ROBO1: variants seen among roughly 807,000 people sequenced by gnomAD.
The protein encoded by ROBO1 is roundabout guidance receptor 1.
ROBO1 carries 149 observed loss-of-function variants against 195.9 expected under a neutral mutation model. The observed-to-expected ratio is 0.76, with a 90% CI of 0.67 to 0.87. The LOEUF (loss-of-function observed/expected upper bound fraction) is 0.87. ROBO1 is among the 40% of genes least tolerant of loss of function. ROBO1 has a pLI of 0.00. For missense variants in ROBO1, 1,933 were observed against 2,068.3 expected, an observed-to-expected ratio of 0.93 and a Z score of 1.27; for synonymous variants, 816 against 733.2, an observed-to-expected ratio of 1.11 and a Z score of -1.82.
At chr3:79,087,106 T>C (rs1049421498) in intron 3 of ROBO1, among the ~76,000 whole-genome samples, 3 of 152,062 alleles carry the variant, frequency 2.0e-5, no homozygotes, top group Admixed American at 1.3e-4. Flanking sequence ...GTGTAGTTAG[T>C]AATTTTGAGT....
At chr3:79,490,513 A>G (rs1223437405) in intron 2 of ROBO1, among the ~76,000 whole-genome samples, 1 of 152,250 alleles carries the variant, frequency 6.6e-6, no homozygotes, top group African/African-American at 2.4e-5. Context: ...CAGGCGCAGA[A>G]GAAGCCGAGA....
intron 4 of ROBO1, among the ~76,000 whole-genome samples, chr3:78,816,982 A>C (rs960528788): frequency 9.9e-5 from 2 of 20,188 alleles, no homozygotes; most frequent in Non-Finnish European, 3.8e-3. Context: ...CTTAAAGTAT[A>C]ATAAAAAAAA....
intron 4 of ROBO1, among the ~76,000 whole-genome samples, chr3:78,800,579 C>T (rs552752299): frequency 2.0e-5 from 3 of 152,110 alleles, no homozygotes; most frequent in Admixed American, 2.0e-4. Context: ...TTTTAGAAGA[C>T]AGAGTCTCAC....
At chr3:79,678,645 C>A (rs1013776622) in intron 1 of ROBO1, among the ~76,000 whole-genome samples, 20 of 151,938 alleles carry the variant, frequency 1.3e-4, no homozygotes, top group African/African-American at 4.3e-4. Flanking sequence ...CTTACATTTT[C>A]AATATCTTAG....
At position 79,146,778 on chromosome 3, in the gene ROBO1, G is replaced by T. The variant is rs192920898; in HGVS notation, c.89-21239C>A. Reference sequence around the variant, plus strand: ...CAAAATAGAAAATGCTCAGTATCCAGTATCTAGAAAAATTAACATAGATCT... The same window carrying T: ...CAAAATAGAAAATGCTCAGTATCCATTATCTAGAAAAATTAACATAGATCT... On this transcript the variant is annotated intron_variant, in intron 2 of 30. Transcript: ENST00000464233. 3.4e-3 allele frequency among the ~76,000 whole-genome samples: 510 copies of T among 151,974 alleles called. 4 individuals are homozygous for T. Among genetic ancestry groups the T allele is most frequent in the Middle Eastern group, 0.01 (3 of 294 alleles).
intron 2 of ROBO1, among the ~76,000 whole-genome samples, chr3:79,465,753 G>GT (rs1458731994): frequency 6.6e-6 from 1 of 151,860 alleles, no homozygotes; most frequent in East Asian, 1.9e-4. Context: ...ACAAGAAAAT[G>GT]TTTTTTCATG....
intron 3 of ROBO1, among the ~76,000 whole-genome samples, chr3:79,016,687 T>C (rs999946178): frequency 2.6e-5 from 4 of 152,146 alleles, no homozygotes; most frequent in Non-Finnish European, 4.4e-5. Context: ...TTCCAACATA[T>C]ACAAACTCAA....
At chr3:79,557,448 A>G (rs963358515) in intron 2 of ROBO1, among the ~76,000 whole-genome samples, 2 of 152,060 alleles carry the variant, frequency 1.3e-5, no homozygotes, top group Non-Finnish European at 2.9e-5. Context: ...AAAAAGGATA[A>G]TTTAGGCCAG....
At chr3:79,708,148 C>T (rs72899823) in intron 1 of ROBO1, among the ~76,000 whole-genome samples, 2,058 of 152,198 alleles carry the variant, frequency 0.014, 38 homozygotes, top group African/African-American at 0.047. Flanking sequence ...CTGAGGTTCA[C>T]TCTGTTTCTT....
At chr3:79,601,106 T>C (rs904157903) in intron 1 of ROBO1, among the ~76,000 whole-genome samples, 3 of 151,854 alleles carry the variant, frequency 2.0e-5, no homozygotes, top group African/African-American at 4.8e-5. Context: ...AACTGGAAAA[T>C]GTTCATCCCA....
At chr3:78,944,746 G>C (rs2040326747) in intron 3 of ROBO1, among the ~76,000 whole-genome samples, 1 of 152,212 alleles carries the variant, frequency 6.6e-6, no homozygotes, top group African/African-American at 2.4e-5. Context: ...AAGGGGTCAG[G>C]GAATTCCCTT....
At chr3:78,678,647 G>C (rs901696456) in intron 10 of ROBO1, among the ~76,000 whole-genome samples, 130 of 152,210 alleles carry the variant, frequency 8.5e-4, no homozygotes, top group Non-Finnish European at 1.5e-3. Context: ...TCTCTGAATA[G>C]ACCAATAACA....
At chr3:79,260,095 C>T (rs2082911327) in intron 2 of ROBO1, among the ~76,000 whole-genome samples, 2 of 150,690 alleles carry the variant, frequency 1.3e-5, no homozygotes, top group Admixed American at 6.6e-5. Context: ...TGTACACACA[C>T]ACACACACAC....
intron 2 of ROBO1, among the ~76,000 whole-genome samples, chr3:79,418,574 A>C (rs2038099536): frequency 6.6e-6 from 1 of 152,182 alleles, no homozygotes; most frequent in Admixed American, 6.6e-5. Context: ...AGCAAAAATA[A>C]AGCAAACTGT....
intron 4 of ROBO1, among the ~76,000 whole-genome samples, chr3:78,915,523 T>A (rs1327992380): frequency 6.6e-6 from 1 of 152,210 alleles, no homozygotes; most frequent in Non-Finnish European, 1.5e-5. Flanking sequence ...TTAAGAATGA[T>A]TAGCTTTTCC....
chr3:78,759,381 A>T (rs974032903), intron 4 of ROBO1: 12 of 117,578 alleles, frequency 1.0e-4, no homozygotes, highest in Admixed American at 5.8e-4. Flanking sequence ...ATGAACAAAT[A>T]GAACACTTAA....
chr3:79,695,724 G>T (rs1947426148), intron 1 of ROBO1, among the ~76,000 whole-genome samples: 1 of 151,430 alleles, frequency 6.6e-6, no homozygotes, highest in Non-Finnish European at 1.5e-5. Flanking sequence ...CCATACTCAT[G>T]TGATTTTGAA....
chr3:79,066,807 G>C (rs2079010334), intron 3 of ROBO1, among the ~76,000 whole-genome samples: 1 of 151,858 alleles, frequency 6.6e-6, no homozygotes, highest in Non-Finnish European at 1.5e-5. Context: ...GGGAGCCCTA[G>C]CATGCCTCGA....
At chr3:78,721,174 T>C (rs530819550) in intron 5 of ROBO1, among the ~76,000 whole-genome samples, 1 of 152,192 alleles carries the variant, frequency 6.6e-6, no homozygotes, top group Non-Finnish European at 1.5e-5. Context: ...ATCCTTATTA[T>C]CTTAATTACT....
Sources: gnomAD v4.1 joint callset for allele counts (sites outside exome capture counted in the v4.1 genomes callset) on GRCh38, gnomAD v4.1.1 for gene constraint, MANE v1.5 for transcripts, NCBI Gene and HGNC (gene_info 2026-07-23, HGNC 2026-07-21) for gene names.